PPP4R3A: variants seen among roughly 807,000 people sequenced by gnomAD.
The protein encoded by PPP4R3A is protein phosphatase 4 regulatory subunit 3A.
A neutral mutation model predicts 91.7 loss-of-function variants in PPP4R3A; 15 were observed. The ratio of observed to expected loss-of-function variants is 0.16; its 90% CI spans 0.11 to 0.25. The LOEUF is 0.25. PPP4R3A is among the 10% of genes least tolerant of loss of function. The probability of loss-of-function intolerance (pLI) is 1.00; values close to 1 mark genes in which losing one functional copy is unlikely to be tolerated. For synonymous variants in PPP4R3A, 377 were observed against 348.7 expected, an observed-to-expected ratio of 1.08 and a Z score of -0.91; for missense variants, 623 against 998.4, an observed-to-expected ratio of 0.62 and a Z score of 5.07.
intron 10 of PPP4R3A, among the ~76,000 whole-genome samples, chr14:91,469,807 G>GC (rs1296433954): frequency 6.6e-5 from 10 of 152,070 alleles, no homozygotes; most frequent in African/African-American, 2.4e-4. Flanking sequence ...CAGGTGATCT[G>GC]CCAGCCTCAT....
Position 91,475,932 on chromosome 14 carries a change from G to C in PPP4R3A, c.1145C>G (p.Thr382Ser). The change falls in exon 7 of 15, where the codon ACT becomes AGT. Residue 382 changes from threonine to serine, a missense_variant. Transcript: ENST00000554943. ...MDDTQVRSAA[T>S]DIFSYLVEYN... Reference sequence around the variant, plus strand: ...TTCAACCAAGTATGAGAATATATCAGTAGCAGCACTTCGCACCTGTGTATC... The same window carrying C: ...TTCAACCAAGTATGAGAATATATCACTAGCAGCACTTCGCACCTGTGTATC... The C allele has an allele frequency of 6.2e-7, 1 of 1,605,922 alleles. No homozygotes were observed. Among genetic ancestry groups the C allele is most frequent in the African/African-American group, 1.3e-5 (1 of 74,706 alleles).
intron 1 of PPP4R3A, among the ~76,000 whole-genome samples, chr14:91,500,428 T>C (rs1274165295): frequency 1.3e-5 from 2 of 152,140 alleles, no homozygotes; most frequent in African/African-American, 4.8e-5. Context: ...CTAGATCTCC[T>C]GACCTCATGA....
chr14:91,488,994 A>G (rs2140130541), intron 2 of PPP4R3A, among the ~76,000 whole-genome samples: 1 of 137,880 alleles, frequency 7.3e-6, no homozygotes, highest in South Asian at 2.3e-4. Context: ...TGCAAGCTCC[A>G]CCTCCCAGGT....
intron 14 of PPP4R3A, among the ~76,000 whole-genome samples, chr14:91,460,074 C>A (rs1160131247): frequency 6.6e-6 from 1 of 151,988 alleles, no homozygotes; most frequent in South Asian, 2.1e-4. Flanking sequence ...TGCAGTGGCG[C>A]CATCTCAGCT....
In PPP4R3A at chr14:91,470,822, A is replaced by T; in HGVS notation, c.1660+15T>A. 6.3e-7 allele frequency: 1 copy of T among 1,597,966 alleles called. No homozygotes were observed. The highest frequency in any genetic ancestry group is 8.5e-7 in the Non-Finnish European group (1 of 1,176,568). ...ATGTCAATATACAAAGATGATAAAT[A>T]ATTCTAACACTTACATAATGCCAAG... is the stretch of plus-strand genomic sequence containing the variant. On this transcript the variant is annotated intron_variant, in intron 10 of 14. Coordinates refer to ENST00000554943, the MANE Select transcript of PPP4R3A (RefSeq NM_001366432.2).
intron 2 of PPP4R3A, 106 bp from the exon 3 acceptor site, chr14:91,485,836 C>T: frequency 1.7e-6 from 1 of 603,894 alleles, no homozygotes; most frequent in Non-Finnish European, 2.8e-6. Context: ...TTTTGCAACA[C>T]TAATACTGGC....
At chr14:91,467,305 A>C (rs889374036) in intron 10 of PPP4R3A, among the ~76,000 whole-genome samples, 3 of 40,008 alleles carry the variant, frequency 7.5e-5, no homozygotes, top group African/African-American at 3.1e-4. Flanking sequence ...CACTCAAAGT[A>C]GAGTGGAGAA....
intron 1 of PPP4R3A, among the ~76,000 whole-genome samples, chr14:91,503,741 G>C (rs1231231057): frequency 1.3e-5 from 2 of 152,018 alleles, no homozygotes; most frequent in Non-Finnish European, 2.9e-5. Flanking sequence ...AAAAACAAAA[G>C]AAAGAAAAGT....
In PPP4R3A at chr14:91,462,891, T is replaced by A; in HGVS notation, c.1831-14A>T. On this transcript the variant is annotated splice_polypyrimidine_tract_variant and intron_variant, in intron 11 of 14. Transcript: ENST00000554943. The stretch of plus-strand genomic sequence containing the variant: ...TTTTATATCTTCCTACAGAAAAGAA[T>A]AGTAATGAAAAAATGATAGGAAAAT... 1 of 1,570,666 alleles carries A rather than the reference T, an allele frequency of 6.4e-7. No individual in the cohort carries two copies. Among genetic ancestry groups the A allele is most frequent in the Non-Finnish European group, 8.7e-7 (1 of 1,151,236 alleles).
At chr14:91,488,078 A>G (rs1890008291) in intron 2 of PPP4R3A, among the ~76,000 whole-genome samples, 1 of 152,128 alleles carries the variant, frequency 6.6e-6, no homozygotes, top group Non-Finnish European at 1.5e-5. Flanking sequence ...AGTCCCAGCT[A>G]GTTACGGGGC....
At chr14:91,467,603 C>T (rs1388496100) in intron 10 of PPP4R3A, among the ~76,000 whole-genome samples, 1 of 138,536 alleles carries the variant, frequency 7.2e-6, no homozygotes, top group African/African-American at 2.7e-5. Flanking sequence ...ACAAAACACT[C>T]TCAAACAACA....
At chr14:91,474,338 G>A (rs189556920) in intron 7 of PPP4R3A, among the ~76,000 whole-genome samples, 64 of 152,260 alleles carry the variant, frequency 4.2e-4, no homozygotes, top group African/African-American at 1.5e-3. Context: ...ATAAGATTGA[G>A]AGGGATTCAG....
At chr14:91,486,341 T>TA (rs1889879200) in intron 2 of PPP4R3A, among the ~76,000 whole-genome samples, 1 of 152,066 alleles carries the variant, frequency 6.6e-6, no homozygotes, top group Non-Finnish European at 1.5e-5. Flanking sequence ...CAGAACTTCT[T>TA]AGTTTCATTT....
rs573987110 is a variant in PPP4R3A, at chr14:91,462,293, G to C, written c.1974-54C>G. On this transcript the variant is annotated intron_variant, in intron 12 of 14. Transcript: ENST00000554943. Reference sequence around the variant, plus strand: ...AATCATATATGGACTTAATTGTACTGTTACAGATGACTTATTAAACTTGTT... The same window carrying C: ...AATCATATATGGACTTAATTGTACTCTTACAGATGACTTATTAAACTTGTT... 11 of 1,416,432 alleles carry C rather than the reference G, an allele frequency of 7.8e-6. No individual in the cohort carries two copies. The African/African-American group carries it at 1.2e-4, about 15-fold the overall frequency. The allele number at this position is 1,416,432 out of a possible 1,614,324, so 87.7% of individuals were successfully genotyped here.
chr14:91,463,592 C>A (rs998469252), intron 11 of PPP4R3A, among the ~76,000 whole-genome samples: 1 of 151,832 alleles, frequency 6.6e-6, no homozygotes, highest in Non-Finnish European at 1.5e-5. Context: ...CACCACCATA[C>A]GGGGCTAAGT....
In PPP4R3A at chr14:91,490,782, T is replaced by C; in HGVS notation, c.163A>G (p.Lys55Glu). ...TGGTATGCAGTGTTAGGATTTATTT[T>C]CGACTCTAAAAGTAGAGAACCTAGG... ...ESDGSLLLES[K>E]INPNTAYQKQ... The change falls in exon 2 of 15, where the codon AAA becomes GAA. Residue 55 changes from lysine to glutamate, a missense_variant. Transcript: ENST00000554943. The C allele has an allele frequency of 6.2e-7, 1 of 1,610,312 alleles. No individual in the cohort carries two copies. The highest frequency in any genetic ancestry group is 8.5e-7 in the Non-Finnish European group (1 of 1,178,868).
chr14:91,501,646 G>A (rs1011948883), intron 1 of PPP4R3A, among the ~76,000 whole-genome samples: 15 of 150,852 alleles, frequency 9.9e-5, no homozygotes, highest in East Asian at 9.7e-4. Context: ...GTGAGATCCC[G>A]CCTCAAAAAA....
intron 1 of PPP4R3A, among the ~76,000 whole-genome samples, 173 bp from the exon 2 acceptor site, chr14:91,490,975 A>G (rs1338262546): frequency 6.8e-6 from 1 of 147,760 alleles, no homozygotes; most frequent in African/African-American, 2.5e-5. Context: ...CACGATCCTC[A>G]GCTCACTGCA....
rs182671930 is a variant in PPP4R3A at position 91,491,696 on chromosome 14, C to G, written c.143-894G>C. On this transcript the variant is annotated intron_variant, in intron 1 of 14. Transcript: ENST00000554943. ...CTGGGATTACAGGCGTGAGCCACCA[C>G]GCCTGGCCTAGAAAAATTATTTTTA... Among the ~76,000 whole-genome samples the G allele has an allele frequency of 2.2e-3, 341 of 152,266 alleles. 1 individual carries two copies. Among genetic ancestry groups the G allele is most frequent in the Non-Finnish European group, 3.1e-3 (209 of 68,010 alleles).
Sources: gnomAD v4.1 joint callset for allele counts (sites outside exome capture counted in the v4.1 genomes callset) on GRCh38, gnomAD v4.1.1 for gene constraint, MANE v1.5 for transcripts, NCBI Gene and HGNC (gene_info 2026-07-23, HGNC 2026-07-21) for gene names.